The following KCNN2 variants were observed in gnomAD, a reference collection of about 807,000 sequenced individuals.
The protein encoded by KCNN2 is potassium calcium-activated channel subfamily N member 2, also known as small conductance calcium-activated potassium channel protein 2.
In KCNN2, 24 loss-of-function variants were observed where a neutral mutation model predicts 55.5. The observed-to-expected ratio is 0.43, with a 90% confidence interval of 0.31 to 0.61. The LOEUF (loss-of-function observed/expected upper bound fraction) is 0.61, where lower values mean the gene tolerates loss of function less well. KCNN2 is among the 20% of genes least tolerant of loss of function. The pLI, the probability that KCNN2 is intolerant of heterozygous loss-of-function variation, is 0.08. For synonymous variants in KCNN2, 431 were observed against 336.1 expected, an observed-to-expected ratio of 1.28 and a Z score of -3.09; for missense variants, 754 against 853.6, an observed-to-expected ratio of 0.88 and a Z score of 1.45.
rs560049724 is a variant in KCNN2, at chr5:114,393,581, T to TA, written c.1219-10848dup. ...TATTCATTTACTCACATCTCCAAAGTAAAAAAAAAGCATTAAATATTATAT... is the reference window on the plus strand; with the variant it reads ...TATTCATTTACTCACATCTCCAAAGTAAAAAAAAAAGCATTAAATATTATAT... On this transcript the variant is annotated intron_variant, in intron 2 of 7. Coordinates refer to ENST00000673685, the MANE Select transcript of KCNN2 (RefSeq NM_021614.4). 2.2e-3 allele frequency among the ~76,000 whole-genome samples: 328 copies of TA among 150,658 alleles called. 1 individual carries two copies. The highest frequency in any genetic ancestry group is 0.018 in the South Asian group (85 of 4,760).
intron 2 of KCNN2, among the ~76,000 whole-genome samples, chr5:114,390,969 A>G (rs935559921): frequency 2.0e-5 from 3 of 152,162 alleles, no homozygotes; most frequent in African/African-American, 4.8e-5. Flanking sequence ...TAAGAGCAGC[A>G]TAACATGGAT....
intron 2 of KCNN2, among the ~76,000 whole-genome samples, chr5:114,289,385 T>TG (rs1338478359): frequency 6.6e-6 from 1 of 151,612 alleles, no homozygotes; most frequent in East Asian, 1.9e-4. Flanking sequence ...TTTTTTTTTT[T>TG]TTGAGACAGA....
intron 3 of KCNN2, among the ~76,000 whole-genome samples, chr5:114,448,297 A>C (rs1760502288): frequency 6.6e-6 from 1 of 152,088 alleles, no homozygotes; most frequent in Admixed American, 6.6e-5. Context: ...CCAGATCTCT[A>C]CAAGGGTGTT....
chr5:114,350,936 G>C (rs540741795), intron 2 of KCNN2, among the ~76,000 whole-genome samples: 2 of 151,608 alleles, frequency 1.3e-5, no homozygotes, highest in Non-Finnish European at 3.0e-5. Flanking sequence ...TCTATTCTTG[G>C]CTATTTGCAT....
chr5:114,077,350 A>T (rs1466095518), intron 1 of KCNN2, among the ~76,000 whole-genome samples: 1 of 152,242 alleles, frequency 6.6e-6, no homozygotes, highest in Non-Finnish European at 1.5e-5. Context: ...TACGAAGACC[A>T]CATGTGGAAG....
At chr5:114,383,744 A>C (rs1270880463) in intron 2 of KCNN2, among the ~76,000 whole-genome samples, 1 of 152,152 alleles carries the variant, frequency 6.6e-6, no homozygotes, top group Admixed American at 6.5e-5. Flanking sequence ...CTGGGATTAC[A>C]GGCATGAGCC....
chr5:114,495,688 A>C (rs940736838), intron 7 of KCNN2, among the ~76,000 whole-genome samples: 2 of 152,202 alleles, frequency 1.3e-5, no homozygotes, highest in East Asian at 1.9e-4. Flanking sequence ...ATTTTCTGCA[A>C]CTGAACCAAA....
intron 1 of KCNN2, among the ~76,000 whole-genome samples, chr5:114,122,970 T>TA (rs1459304926): frequency 6.6e-6 from 1 of 152,218 alleles, no homozygotes; most frequent in Non-Finnish European, 1.5e-5. Flanking sequence ...GCATTTTCTG[T>TA]AATGTAACCA....
At chr5:114,251,209 A>G (rs546008320) in intron 2 of KCNN2, among the ~76,000 whole-genome samples, 40 of 152,288 alleles carry the variant, frequency 2.6e-4, no homozygotes, top group African/African-American at 9.4e-4. Context: ...GCCTATTGCA[A>G]TTACAACCAG....
At position 114,362,839 on chromosome 5, in the gene KCNN2, C is replaced by T. The variant is rs780577434; in HGVS notation, c.700C>T (p.Arg234Trp). Residue 234 changes from arginine to tryptophan, a missense_variant, in exon 1 of 8, where the codon CGG (arginine) becomes TGG (tryptophan). Physicochemically the swap from Arg to Trp is moderately radical, Grantham distance 101. This residue lies in a region of KCNN2 where 381 missense variants were observed against 259.1 expected (regional missense o/e 1.47). Transcript: ENST00000673685. Reference protein sequence around the residue: ...RPLSNLSASRRNLHEMDSEAQ... With the variant: ...RPLSNLSASRWNLHEMDSEAQ... ...GCTCAGCAACTTGAGCGCGTCCCGC[C>T]GGAACCTGCACGAGATGGACTCAGA... The T allele has an allele frequency of 1.2e-6, 2 of 1,600,156 alleles. No homozygotes were observed. The highest frequency in any genetic ancestry group is 1.7e-6 in the Non-Finnish European group (2 of 1,178,666).
intron 1 of KCNN2, among the ~76,000 whole-genome samples, chr5:114,157,127 G>T (rs1752652539): frequency 1.3e-5 from 2 of 151,410 alleles, no homozygotes; most frequent in Non-Finnish European, 2.9e-5. Context: ...TTAGCATTAG[G>T]TATATCTCCT....
At chr5:114,377,729 C>T (rs557622388) in intron 2 of KCNN2, among the ~76,000 whole-genome samples, 2 of 152,010 alleles carry the variant, frequency 1.3e-5, no homozygotes, top group Non-Finnish European at 2.9e-5. Flanking sequence ...TCTGTGTGAC[C>T]GTAAGAAGAC....
intron 3 of KCNN2, among the ~76,000 whole-genome samples, chr5:114,446,877 G>T (rs1760432716): frequency 6.6e-6 from 1 of 152,138 alleles, no homozygotes; most frequent in South Asian, 2.1e-4. Context: ...GCTCCAGACT[G>T]GGTGACAGAG....
intron 5 of KCNN2, among the ~76,000 whole-genome samples, chr5:114,481,066 C>T (rs1042925850): frequency 1.3e-5 from 2 of 152,000 alleles, no homozygotes; most frequent in South Asian, 2.1e-4. Context: ...GTCAAATTAC[C>T]TTTGCAGATG....
rs527523224 is a variant in KCNN2 at position 114,467,812 on chromosome 5, T to TCTAAA, written c.1779+4626_1779+4630dup. On this transcript the variant is annotated intron_variant, in intron 4 of 7. Coordinates refer to ENST00000673685, the MANE Select transcript of KCNN2 (RefSeq NM_021614.4). ...GGACTCCACAATTTCACCCAATTTT[T>TCTAAA]CTAAACTATCAGCACTTTTAATTGG... Among the ~76,000 whole-genome samples the TCTAAA allele has an allele frequency of 3.4e-3, 519 of 152,308 alleles. 1 individual carries two copies. Among genetic ancestry groups the TCTAAA allele is most frequent in the African/African-American group, 0.012 (501 of 41,560 alleles).
chr5:114,191,129 A>C (rs1224172000), intron 1 of KCNN2, among the ~76,000 whole-genome samples: 1 of 152,168 alleles, frequency 6.6e-6, no homozygotes, highest in African/African-American at 2.4e-5. Context: ...CCACACTATA[A>C]ATTGTATGAA....
intron 3 of KCNN2, among the ~76,000 whole-genome samples, chr5:114,422,147 C>G (rs935191624): frequency 6.6e-6 from 1 of 152,304 alleles, no homozygotes; most frequent in South Asian, 2.1e-4. Context: ...CGAACTTGTG[C>G]TGCTACAGGA....
In KCNN2 at chr5:114,182,911, G is replaced by A. The variant is rs1053870931; in HGVS notation, c.-270-38569G>A. ...AATTTCAGCACAATGTTGAATAGAAGTTTTGAGAGTGAATATCATTACCTT... is the reference window on the plus strand; with the variant it reads ...AATTTCAGCACAATGTTGAATAGAAATTTTGAGAGTGAATATCATTACCTT... On this transcript the variant is annotated intron_variant, in intron 1 of 10. Coordinates refer to the KCNN2 transcript ENST00000512097. Among the ~76,000 whole-genome samples the A allele has an allele frequency of 3.9e-5, 6 of 152,106 alleles. No individual in the cohort carries two copies. In the East Asian group the frequency reaches 1.2e-3, roughly 29 times the overall value.
chr5:114,374,979 T>C (rs1461409389), intron 2 of KCNN2, among the ~76,000 whole-genome samples: 4 of 152,194 alleles, frequency 2.6e-5, no homozygotes, highest in Non-Finnish European at 4.4e-5. Flanking sequence ...GCTTTCGTTT[T>C]CCAGGGGAAA....
Sources: gnomAD v4.1 joint callset for allele counts (sites outside exome capture counted in the v4.1 genomes callset) on GRCh38, gnomAD v4.1.1 for gene constraint, gnomAD v4.1.1 regional missense constraint, MANE v1.5 for transcripts, NCBI Gene and HGNC (gene_info 2026-07-23, HGNC 2026-07-21) for gene names.